Variants in SLC22A3 observed in about 807,000 individuals in gnomAD.
SLC22A3 encodes the protein EMT organic cation transporter 3.
SLC22A3 carries 51 observed loss-of-function variants against 59.1 expected under a neutral mutation model. The observed-to-expected ratio is 0.86, with a 90% CI of 0.69 to 1.09. The LOEUF (loss-of-function observed/expected upper bound fraction) is 1.09, where lower values mean the gene tolerates loss of function less well. SLC22A3 is among the 50% of genes least tolerant of loss of function. The pLI is 0.00. For missense variants in SLC22A3, 711 were observed against 726.3 expected (o/e 0.98, Z 0.24); for synonymous variants, 325 against 292.0 (o/e 1.11, Z -1.15).
chr6:160,427,962 G>A (rs867720022), intron 5 of SLC22A3, among the ~76,000 whole-genome samples: 1 of 152,186 alleles, frequency 6.6e-6, no homozygotes, highest in Non-Finnish European at 1.5e-5. Context: ...TTCAGTCCAC[G>A]CAAGTTTTGA....
intron 1 of SLC22A3, among the ~76,000 whole-genome samples, chr6:160,373,286 T>C (rs1583455196): frequency 6.6e-6 from 1 of 152,260 alleles, no homozygotes; most frequent in East Asian, 1.9e-4. Context: ...CTGCTGGAGT[T>C]TGTTGGAGGT....
intron 2 of SLC22A3, 52 bp from the exon 3 acceptor site, chr6:160,406,989 T>G (rs1222474284): frequency 1.3e-6 from 2 of 1,589,562 alleles, no homozygotes; most frequent in East Asian, 4.5e-5. Flanking sequence ...ATTTTCCCAT[T>G]GTGTTGAAGA....
intron 1 of SLC22A3, among the ~76,000 whole-genome samples, chr6:160,376,378 G>A (rs1019546065): frequency 3.9e-5 from 6 of 152,074 alleles, no homozygotes; most frequent in African/African-American, 1.2e-4. Flanking sequence ...AGAGGGGTGA[G>A]GGGAGGGCGA....
At chr6:160,435,808 G>A (rs1788314991) in intron 5 of SLC22A3, among the ~76,000 whole-genome samples, 1 of 152,120 alleles carries the variant, frequency 6.6e-6, no homozygotes, top group African/African-American at 2.4e-5. Flanking sequence ...CGACACTGAG[G>A]AACAGATATG....
At chr6:160,404,623 C>T (rs1048315624) in intron 2 of SLC22A3, among the ~76,000 whole-genome samples, 1 of 151,970 alleles carries the variant, frequency 6.6e-6, no homozygotes, top group Non-Finnish European at 1.5e-5. Flanking sequence ...ACAAAAGACC[C>T]AGAATAGCCA....
At chr6:160,447,370 G>A (rs563896103) in intron 9 of SLC22A3, among the ~76,000 whole-genome samples, 50 of 152,092 alleles carry the variant, frequency 3.3e-4, no homozygotes, top group Non-Finnish European at 5.9e-4. Context: ...GTCAGTGAGC[G>A]GGCGCAGAGG....
chr6:160,361,018 A>G (rs1158668501), intron 1 of SLC22A3, among the ~76,000 whole-genome samples: 2 of 152,248 alleles, frequency 1.3e-5, no homozygotes, highest in Non-Finnish European at 2.9e-5. Flanking sequence ...ATTCCAAGCC[A>G]AAGTAATCAG....
chr6:160,359,838 T>G (rs1300972989), intron 1 of SLC22A3, among the ~76,000 whole-genome samples: 1 of 150,746 alleles, frequency 6.6e-6, no homozygotes. Context: ...CAGTGATTTT[T>G]TTATATGTGA....
chr6:160,407,294 A>T, intron 3 of SLC22A3, 99 bp downstream of exon 3: 4 of 1,259,888 alleles, frequency 3.2e-6, no homozygotes, highest in Non-Finnish European at 4.4e-6. Flanking sequence ...GTGTCCTTTA[A>T]CAAAGGAGGT....
intron 1 of SLC22A3, among the ~76,000 whole-genome samples, chr6:160,379,539 G>GA (rs1427616047): frequency 4.0e-5 from 6 of 151,434 alleles, no homozygotes; most frequent in Non-Finnish European, 1.5e-5. Context: ...AAAAGTCAGT[G>GA]AAAATCTGCA....
chr6:160,396,401 C>T (rs1786473249), intron 1 of SLC22A3, among the ~76,000 whole-genome samples: 1 of 152,082 alleles, frequency 6.6e-6, no homozygotes, highest in Non-Finnish European at 1.5e-5. Context: ...ACTTACATGA[C>T]ATGCTGGCTA....
At chr6:160,385,447 T>G (rs149230033) in intron 1 of SLC22A3, among the ~76,000 whole-genome samples, 1 of 152,328 alleles carries the variant, frequency 6.6e-6, no homozygotes, top group Non-Finnish European at 1.5e-5. Context: ...CTGGCCACTT[T>G]TCCTTGTGAG....
chr6:160,358,638 C>T (rs1455807663), intron 1 of SLC22A3, among the ~76,000 whole-genome samples: 1 of 152,184 alleles, frequency 6.6e-6, no homozygotes, highest in Non-Finnish European at 1.5e-5. Context: ...AGTGAACAAT[C>T]CCCCCATCCG....
rs1005142475 is a variant in SLC22A3, at chr6:160,452,040, A to C, written c.*984A>C. The C allele has an allele frequency of 2.0e-5, 3 of 152,246 alleles. No homozygotes were observed. The highest frequency in any genetic ancestry group is 2.9e-5 in the Non-Finnish European group (2 of 68,044). The allele number at this position is 152,246 out of a possible 1,614,324, so 9.4% of individuals were successfully genotyped here. ...GCTTACATTTTAATTTAAAAGAAAG[A>C]TCAATTATATCCATGCTTAACAGGA... On this transcript the variant is annotated 3_prime_UTR_variant, in exon 11 of 11. Transcript: ENST00000275300.
At chr6:160,444,091 G>A (rs923283641) in intron 9 of SLC22A3, among the ~76,000 whole-genome samples, 77 of 152,158 alleles carry the variant, frequency 5.1e-4, no homozygotes, top group Non-Finnish European at 1.2e-4. Context: ...TATTCAATAT[G>A]TTTAAAAATG....
rs146633311 is a variant in SLC22A3 at position 160,417,576 on chromosome 6, G to A, written c.975+6730G>A. 4.4e-4 allele frequency among the ~76,000 whole-genome samples: 67 copies of A among 152,342 alleles called. 1 individual carries two copies. Among genetic ancestry groups the A allele is most frequent in the East Asian group, 1.4e-3 (7 of 5,178 alleles). On this transcript the variant is annotated intron_variant, in intron 5 of 10. Coordinates refer to ENST00000275300, the MANE Select transcript of SLC22A3 (RefSeq NM_021977.4). Reference sequence around the variant, plus strand: ...TCTGATTGTGGTAGATTAAATTACTGTTTGGAGAGATTCACATTTTCCCTC... The same window carrying A: ...TCTGATTGTGGTAGATTAAATTACTATTTGGAGAGATTCACATTTTCCCTC...
chr6:160,388,429 G>A (rs559359098), intron 1 of SLC22A3, among the ~76,000 whole-genome samples: 5 of 152,266 alleles, frequency 3.3e-5, no homozygotes, highest in South Asian at 4.1e-4. Context: ...CAGTGTGCCC[G>A]AGGTGGATCC....
At chr6:160,449,746 T>C (rs930823005) in intron 10 of SLC22A3, among the ~76,000 whole-genome samples, 3 of 152,190 alleles carry the variant, frequency 2.0e-5, no homozygotes, top group African/African-American at 7.2e-5. Context: ...TCCATAAGTG[T>C]TGGCCAGCTG....
chr6:160,422,160 A>G (rs1164765703), intron 5 of SLC22A3, among the ~76,000 whole-genome samples: 1 of 152,210 alleles, frequency 6.6e-6, no homozygotes, highest in African/African-American at 2.4e-5. Flanking sequence ...AAATAATCCT[A>G]AGAAGAGAGA....
Sources: gnomAD v4.1 joint callset for allele counts (sites outside exome capture counted in the v4.1 genomes callset) on GRCh38, gnomAD v4.1.1 for gene constraint, MANE v1.5 for transcripts, NCBI Gene and HGNC (gene_info 2026-07-23, HGNC 2026-07-21) for gene names.